CREB5: variants seen among roughly 807,000 people sequenced by gnomAD.
CREB5 encodes cAMP responsive element binding protein 5.
CREB5 carries 19 observed loss-of-function variants against 57.1 expected under a neutral mutation model. That is an observed-to-expected ratio of 0.33 (90% CI 0.23 to 0.49). The LOEUF is 0.49. CREB5 is among the 20% of genes least tolerant of loss of function. The pLI, the probability that CREB5 is intolerant of heterozygous loss-of-function variation, is 0.99. For synonymous variants in CREB5, 238 were observed against 238.3 expected (o/e 1.00, Z 0.01); for missense variants, 579 against 671.6 (o/e 0.86, Z 1.52).
intron 4 of CREB5, among the ~76,000 whole-genome samples, chr7:28,536,689 T>A (rs1793978449): frequency 6.6e-6 from 1 of 152,234 alleles, no homozygotes; most frequent in Admixed American, 6.5e-5. Flanking sequence ...TACTACTGTT[T>A]ACTGAACATG....
intron 1 of CREB5, among the ~76,000 whole-genome samples, chr7:28,449,420 C>T (rs536957896): frequency 1.3e-5 from 2 of 152,320 alleles, no homozygotes; most frequent in East Asian, 3.9e-4. Flanking sequence ...TACACTTAAA[C>T]CTTCCCTTTG....
chr7:28,672,373 A>G (rs1800095260), intron 5 of CREB5, among the ~76,000 whole-genome samples: 1 of 152,180 alleles, frequency 6.6e-6, no homozygotes, highest in African/African-American at 2.4e-5. Context: ...ATAAATTGGT[A>G]TTATTGTGGC....
chr7:28,300,069 T>C (rs1356927818), intron 1 of CREB5, among the ~76,000 whole-genome samples: 7 of 123,930 alleles, frequency 5.6e-5, no homozygotes, highest in East Asian at 2.0e-4. Context: ...TTTATTTATT[T>C]ATTTATTTAT....
At chr7:28,413,787 A>G (rs1787909823) in intron 1 of CREB5, among the ~76,000 whole-genome samples, 1 of 152,156 alleles carries the variant, frequency 6.6e-6, no homozygotes, top group African/African-American at 2.4e-5. Flanking sequence ...AGTTTGTCAC[A>G]GAGACTTTTC....
intron 7 of CREB5, among the ~76,000 whole-genome samples, chr7:28,735,726 T>A (rs6462102): frequency 0.61 from 92,395 of 151,912 alleles, 28,922 homozygotes; most frequent in Middle Eastern, 0.7. Context: ...TCAAATGAAT[T>A]AATATGAATA....
At chr7:28,816,576 T>TA (rs1371340585) in intron 9 of CREB5, among the ~76,000 whole-genome samples, 23 of 43,180 alleles carry the variant, frequency 5.3e-4, no homozygotes, top group African/African-American at 3.3e-3. Context: ...ATTGTTTTAT[T>TA]TTATTATTTT....
chr7:28,700,459 A>G (rs1488281160), intron 5 of CREB5, among the ~76,000 whole-genome samples: 1 of 152,230 alleles, frequency 6.6e-6, no homozygotes, highest in Non-Finnish European at 1.5e-5. Context: ...TATTCACGCT[A>G]GGCTCTCAGC....
At chr7:28,809,632 AG>A (rs1355027016) in intron 9 of CREB5, among the ~76,000 whole-genome samples, 2 of 152,232 alleles carry the variant, frequency 1.3e-5, no homozygotes, top group Non-Finnish European at 2.9e-5. Context: ...AGCTCTGAGA[AG>A]GGGGGACCTA....
chr7:28,714,463 T>G (rs1802564802), intron 5 of CREB5, among the ~76,000 whole-genome samples: 1 of 152,104 alleles, frequency 6.6e-6, no homozygotes, highest in Admixed American at 6.6e-5. Flanking sequence ...GACAGCAGGG[T>G]GGAGAGACCC....
intron 1 of CREB5, among the ~76,000 whole-genome samples, chr7:28,360,206 A>G (rs992822571): frequency 1.3e-5 from 2 of 152,234 alleles, no homozygotes; most frequent in Admixed American, 1.3e-4. Flanking sequence ...ATGGTCCACA[A>G]TCTACTTCTG....
chr7:28,459,826 T>C (rs761679610), intron 1 of CREB5, among the ~76,000 whole-genome samples: 1 of 152,234 alleles, frequency 6.6e-6, no homozygotes, highest in Admixed American at 6.5e-5. Context: ...TGTATGTTTC[T>C]GGCGCTGAAC....
intron 5 of CREB5, among the ~76,000 whole-genome samples, chr7:28,649,945 G>A (rs1208928210): frequency 6.6e-6 from 1 of 152,176 alleles, no homozygotes; most frequent in Non-Finnish European, 1.5e-5. Flanking sequence ...AAGTGTCACA[G>A]AAGAAGCTCT....
At chr7:28,426,798 G>A (rs1788527836) in intron 1 of CREB5, among the ~76,000 whole-genome samples, 1 of 152,206 alleles carries the variant, frequency 6.6e-6, no homozygotes, top group African/African-American at 2.4e-5. Flanking sequence ...CTCCTGGATT[G>A]TAAGCTCCAT....
chr7:28,597,783 G>A (rs976053276), intron 5 of CREB5, among the ~76,000 whole-genome samples: 9 of 152,132 alleles, frequency 5.9e-5, no homozygotes, highest in Non-Finnish European at 1.2e-4. Flanking sequence ...ATTCCCTCTC[G>A]AAGTGGGGAC....
intron 1 of CREB5, among the ~76,000 whole-genome samples, chr7:28,321,381 GC>G (rs1489501212): frequency 2.0e-5 from 3 of 152,124 alleles, no homozygotes; most frequent in African/African-American, 2.4e-5. Flanking sequence ...AAACTTCAGG[GC>G]CTCTTGTCCA....
intron 1 of CREB5, among the ~76,000 whole-genome samples, chr7:28,348,012 A>T (rs1331597873): frequency 6.6e-6 from 1 of 152,104 alleles, no homozygotes; most frequent in Admixed American, 6.5e-5. Context: ...GGCCAGGGAA[A>T]TTGTAGGGAG....
chr7:28,597,850 C>T (rs892557017), intron 5 of CREB5, among the ~76,000 whole-genome samples: 1 of 152,152 alleles, frequency 6.6e-6, no homozygotes, highest in African/African-American at 2.4e-5. Context: ...CATTTGTCAT[C>T]AGACCTTTTC....
At chr7:28,616,437 C>T (rs1797599296) in intron 5 of CREB5, among the ~76,000 whole-genome samples, 2 of 152,106 alleles carry the variant, frequency 1.3e-5, no homozygotes, top group Non-Finnish European at 2.9e-5. Context: ...AAGCGTGTGA[C>T]CCATTTATTC....
chr7:28,546,428 T>C (rs957358242), intron 4 of CREB5, among the ~76,000 whole-genome samples: 1 of 152,232 alleles, frequency 6.6e-6, no homozygotes, highest in African/African-American at 2.4e-5. Flanking sequence ...TTCTGGGTCA[T>C]GTGGTAACTC....
Sources: gnomAD v4.1 joint callset for allele counts (sites outside exome capture counted in the v4.1 genomes callset) on GRCh38, gnomAD v4.1.1 for gene constraint, MANE v1.5 for transcripts, NCBI Gene and HGNC (gene_info 2026-07-23, HGNC 2026-07-21) for gene names.